The following MDGA2 variants were observed in gnomAD, a reference collection of about 807,000 sequenced individuals.
MDGA2 encodes MAM domain containing glycosylphosphatidylinositol anchor 2, also known as MAM domain-containing glycosylphosphatidylinositol anchor protein 2.
In MDGA2, 40 loss-of-function variants were observed where a neutral mutation model predicts 117.8. The ratio of observed to expected loss-of-function variants is 0.34; its 90% confidence interval spans 0.26 to 0.44. MDGA2 has a LOEUF of 0.44. Ranked by LOEUF, MDGA2 falls within the 20% of genes least tolerant of loss-of-function variation. The probability of loss-of-function intolerance (pLI) is 1.00; values close to 1 mark genes in which losing one functional copy is unlikely to be tolerated. For synonymous variants in MDGA2, 452 were observed against 439.0 expected (o/e 1.03, Z -0.37); for missense variants, 1,123 against 1,250.6 (o/e 0.90, Z 1.54).
chr14:47,078,739 T>C (rs772119876), intron 6 of MDGA2, among the ~76,000 whole-genome samples: 37 of 152,322 alleles, frequency 2.4e-4, no homozygotes, highest in South Asian at 6.2e-4. Flanking sequence ...CCATTTCTAC[T>C]TTCTCTACCT....
chr14:47,258,876 T>A (rs1273788959), intron 2 of MDGA2, among the ~76,000 whole-genome samples: 1 of 152,004 alleles, frequency 6.6e-6, no homozygotes, highest in African/African-American at 2.4e-5. Context: ...ATATGGAAAT[T>A]TTAATTCCTG....
intron 8 of MDGA2, among the ~76,000 whole-genome samples, chr14:46,981,446 T>C (rs1382302390): frequency 1.3e-5 from 2 of 152,146 alleles, no homozygotes; most frequent in Non-Finnish European, 2.9e-5. Context: ...AATATAAATT[T>C]ATGCTTTTAT....
At chr14:47,399,233 C>A (rs982486711) in intron 1 of MDGA2, among the ~76,000 whole-genome samples, 1 of 151,942 alleles carries the variant, frequency 6.6e-6, no homozygotes, top group Non-Finnish European at 1.5e-5. Context: ...AAGAAGTATA[C>A]CACAACACCA....
intron 1 of MDGA2, among the ~76,000 whole-genome samples, chr14:47,449,935 T>C (rs991309060): frequency 6.6e-6 from 1 of 152,134 alleles, no homozygotes; most frequent in African/African-American, 2.4e-5. Context: ...TTCATTTTTT[T>C]TGCAGTCATC....
chr14:47,506,419 A>C (rs1894513118), intron 1 of MDGA2, among the ~76,000 whole-genome samples: 1 of 152,216 alleles, frequency 6.6e-6, no homozygotes, highest in Non-Finnish European at 1.5e-5. Context: ...ACACAAATGC[A>C]AGTGTCGTGT....
intron 1 of MDGA2, among the ~76,000 whole-genome samples, chr14:47,307,325 G>A (rs1421965091): frequency 6.6e-6 from 1 of 152,018 alleles, no homozygotes; most frequent in Admixed American, 6.6e-5. Flanking sequence ...TCCTGTTGTT[G>A]ACAACTCCAT....
chr14:46,920,281 C>A (rs1884076199), intron 9 of MDGA2, 121 bp from the exon 10 acceptor site: 1 of 949,178 alleles, frequency 1.1e-6, no homozygotes, highest in Non-Finnish European at 1.5e-6. Context: ...AAAATCCAAT[C>A]AATTTTCTGG....
At chr14:47,057,226 A>G (rs955681126) in intron 7 of MDGA2, among the ~76,000 whole-genome samples, 2 of 152,090 alleles carry the variant, frequency 1.3e-5, no homozygotes, top group African/African-American at 2.4e-5. Context: ...CTCAAATGTC[A>G]TTTCTCTGTA....
At chr14:47,158,051 T>C (rs1330333301) in intron 3 of MDGA2, among the ~76,000 whole-genome samples, 3 of 152,050 alleles carry the variant, frequency 2.0e-5, no homozygotes, top group Admixed American at 6.6e-5. Flanking sequence ...CATACAGTCA[T>C]GTGCTGCATA....
intron 1 of MDGA2, among the ~76,000 whole-genome samples, chr14:47,672,029 C>T (rs1230627421): frequency 6.6e-6 from 1 of 152,212 alleles, no homozygotes; most frequent in Non-Finnish European, 1.5e-5. Flanking sequence ...GGGCCCTACA[C>T]TCTGAGTTTC....
chr14:46,919,219 G>A (rs1364797648), intron 10 of MDGA2, among the ~76,000 whole-genome samples: 1 of 152,148 alleles, frequency 6.6e-6, no homozygotes, highest in Admixed American at 6.5e-5. Context: ...AGATTTTTCT[G>A]TGATACAGTT....
chr14:47,632,765 G>A (rs375616247), intron 1 of MDGA2, among the ~76,000 whole-genome samples: 2 of 151,236 alleles, frequency 1.3e-5, no homozygotes, highest in South Asian at 4.2e-4. Flanking sequence ...TTTTTTGAGG[G>A]GGGGGCTCTT....
chr14:46,973,137 G>C (rs1886332297), intron 8 of MDGA2, among the ~76,000 whole-genome samples: 1 of 152,146 alleles, frequency 6.6e-6, no homozygotes, highest in Non-Finnish European at 1.5e-5. Flanking sequence ...AGGATGTAGA[G>C]CAATGTGAAT....
At chr14:47,134,883 G>A (rs902081411) in intron 4 of MDGA2, among the ~76,000 whole-genome samples, 31 of 151,382 alleles carry the variant, frequency 2.0e-4, no homozygotes, top group African/African-American at 5.8e-4. Flanking sequence ...AAGCAACCAC[G>A]GAGTGATAAT....
At chr14:47,541,865 A>G (rs1895359539) in intron 1 of MDGA2, among the ~76,000 whole-genome samples, 1 of 152,166 alleles carries the variant, frequency 6.6e-6, no homozygotes, top group African/African-American at 2.4e-5. Context: ...AGCAGCCTGA[A>G]TCTGTCTTCT....
intron 7 of MDGA2, among the ~76,000 whole-genome samples, chr14:47,057,708 T>TTACCTTGCCCTGCCC (rs1363465932): frequency 1.4e-5 from 2 of 143,262 alleles, no homozygotes; most frequent in Non-Finnish European, 3.1e-5. Flanking sequence ...TTGCCTTGCC[T>TTACCTTGCCCTGCCC]TACCTTGCCC....
At chr14:47,313,775 C>T (rs1041132838) in intron 1 of MDGA2, among the ~76,000 whole-genome samples, 2 of 152,106 alleles carry the variant, frequency 1.3e-5, no homozygotes, top group East Asian at 1.9e-4. Context: ...GAAATATATA[C>T]CTCCATACTT....
intron 3 of MDGA2, among the ~76,000 whole-genome samples, chr14:47,203,360 T>C (rs912146542): frequency 6.6e-6 from 1 of 151,868 alleles, no homozygotes; most frequent in Admixed American, 6.6e-5. Flanking sequence ...AGATTTGTTT[T>C]GTGGTCCTGA....
chr14:47,232,219 T>G (rs1886715679), intron 2 of MDGA2, among the ~76,000 whole-genome samples: 1 of 152,084 alleles, frequency 6.6e-6, no homozygotes, highest in Non-Finnish European at 1.5e-5. Context: ...TTTTTGTTGG[T>G]GCAAATCACA....
Sources: gnomAD v4.1 joint callset for allele counts (sites outside exome capture counted in the v4.1 genomes callset) on GRCh38, gnomAD v4.1.1 for gene constraint, MANE v1.5 for transcripts, NCBI Gene and HGNC (gene_info 2026-07-23, HGNC 2026-07-21) for gene names.